LINGO2: variants seen among roughly 807,000 people sequenced by gnomAD.
LINGO2 encodes leucine rich repeat and Ig domain containing 2, also known as leucine-rich repeat and immunoglobulin-like domain-containing nogo receptor-interacting protein 2.
Under a neutral mutation model 30.6 loss-of-function variants are expected in LINGO2, and 14 were observed. That is an observed-to-expected ratio of 0.46 (90% confidence interval 0.30 to 0.72). LINGO2 has a LOEUF of 0.72. Ranked by LOEUF, LINGO2 falls within the 30% of genes least tolerant of loss-of-function variation. LINGO2 has a pLI of 0.07. For synonymous variants in LINGO2, 317 were observed against 288.5 expected (o/e 1.10, Z -1.00); for missense variants, 729 against 751.7 (o/e 0.97, Z 0.35).
the LINGO2 span, among the ~76,000 whole-genome samples, chr9:28,751,303 A>G: frequency 6.8e-6 from 1 of 147,650 alleles, no homozygotes; most frequent in African/African-American, 2.6e-5. Context: ...AAAAAAAAAA[A>G]AAAAAAGGGA....
At position 28,370,016 on chromosome 9, in the gene LINGO2, C is replaced by A. The variant is rs544650452; in HGVS notation, c.-246+2820G>T. Among the ~76,000 whole-genome samples, 5 of 152,196 alleles carry A rather than the reference C, an allele frequency of 3.3e-5. No homozygotes were observed. In the South Asian group the frequency reaches 8.3e-4, roughly 25 times the overall value. ...ACACTTTGAGTGTGAAAATATTAAA[C>A]AGCTCTCACATGGAAAGAAGAGCTA... On this transcript the variant is annotated intron_variant, in intron 3 of 5. Transcript: ENST00000379992.
At chr9:29,071,903 T>C in the LINGO2 span, among the ~76,000 whole-genome samples, 1 of 152,046 alleles carries the variant, frequency 6.6e-6, no homozygotes, top group African/African-American at 2.4e-5. Context: ...AAAGTTATGA[T>C]TCTGATGAAA....
the LINGO2 span, among the ~76,000 whole-genome samples, chr9:29,186,139 T>C: frequency 1.3e-5 from 2 of 152,250 alleles, no homozygotes; most frequent in African/African-American, 4.8e-5. Context: ...ATGAGCAAAC[T>C]GAACTATACA....
At chr9:28,503,961 G>A (rs1819997775) in intron 1 of LINGO2, among the ~76,000 whole-genome samples, 1 of 151,878 alleles carries the variant, frequency 6.6e-6, no homozygotes, top group African/African-American at 2.4e-5. Flanking sequence ...AGACAGTTTT[G>A]GGGGTTCTCC....
At position 28,016,359 on chromosome 9, in the gene LINGO2, C is replaced by T. The variant is rs528355465; in HGVS notation, c.-86-3954G>A. 4.6e-5 allele frequency among the ~76,000 whole-genome samples: 7 copies of T among 152,226 alleles called. No homozygotes were observed. In the South Asian group the frequency reaches 1.5e-3, roughly 32 times the overall value. The stretch of plus-strand genomic sequence containing the variant: ...GCTATCTGAGGTACAACATGAGCTA[C>T]AAACCCTTTTATCTTCTAGGATATT... On this transcript the variant is annotated intron_variant, in intron 4 of 5. Transcript: ENST00000379992.
chr9:29,150,332 T>C, the LINGO2 span, among the ~76,000 whole-genome samples: 1 of 152,156 alleles, frequency 6.6e-6, no homozygotes, highest in African/African-American at 2.4e-5. Context: ...TGAGAAAGAA[T>C]CAGTGCAAGA....
chr9:27,999,124 T>A (rs1375295890), intron 5 of LINGO2, among the ~76,000 whole-genome samples: 2 of 151,938 alleles, frequency 1.3e-5, no homozygotes, highest in African/African-American at 4.8e-5. Flanking sequence ...GAAAGGCACA[T>A]TGGGTCCTGG....
At chr9:28,734,076 A>C in the LINGO2 span, among the ~76,000 whole-genome samples, 135,023 of 151,928 alleles carry the variant, frequency 0.89, 60,341 homozygotes, top group Non-Finnish European at 0.94. Flanking sequence ...CTCTCTCTCT[A>C]TATATATATA....
At chr9:28,384,254 C>T (rs1348680015) in intron 2 of LINGO2, among the ~76,000 whole-genome samples, 1 of 149,450 alleles carries the variant, frequency 6.7e-6, no homozygotes, top group African/African-American at 2.4e-5. Context: ...CACATAATCC[C>T]CCTCAATCCA....
chr9:27,957,028 G>C (rs553406152), intron 5 of LINGO2, among the ~76,000 whole-genome samples: 1 of 152,184 alleles, frequency 6.6e-6, no homozygotes, highest in African/African-American at 2.4e-5. Flanking sequence ...TGAGGAGTTC[G>C]AAGCTGCAGT....
the LINGO2 span, chr9:28,863,713 G>C: frequency 1.9e-6 from 1 of 522,144 alleles, no homozygotes; most frequent in Non-Finnish European, 4.0e-6. Context: ...TTCACAGTTT[G>C]TGTAAAGCCT....
chr9:29,151,128 A>T, the LINGO2 span, among the ~76,000 whole-genome samples: 1 of 152,124 alleles, frequency 6.6e-6, no homozygotes, highest in Non-Finnish European at 1.5e-5. Context: ...ATGAAAAAAA[A>T]AAAATTTCAA....
the LINGO2 span, among the ~76,000 whole-genome samples, chr9:29,174,830 G>T: frequency 2.0e-5 from 3 of 152,154 alleles, no homozygotes; most frequent in Non-Finnish European, 4.4e-5. Flanking sequence ...TGGCTAAAAG[G>T]CAAAGAAAAA....
intron 4 of LINGO2, among the ~76,000 whole-genome samples, chr9:28,210,870 C>T (rs1820565673): frequency 1.3e-5 from 2 of 151,306 alleles, no homozygotes; most frequent in Non-Finnish European, 3.0e-5. Flanking sequence ...TATCACATAA[C>T]CAAGAGAGGA....
At chr9:28,270,575 C>T (rs980640580) in intron 4 of LINGO2, among the ~76,000 whole-genome samples, 1 of 152,078 alleles carries the variant, frequency 6.6e-6, no homozygotes, top group African/African-American at 2.4e-5. Context: ...CTACCAGCCA[C>T]CTCCCTTATG....
chr9:28,324,034 T>C (rs1184685320), intron 3 of LINGO2, among the ~76,000 whole-genome samples: 1 of 152,168 alleles, frequency 6.6e-6, no homozygotes. Flanking sequence ...AGCTCTTATA[T>C]AAACAAAAGC....
chr9:28,347,725 T>G (rs1261501041), intron 3 of LINGO2, among the ~76,000 whole-genome samples: 2 of 152,234 alleles, frequency 1.3e-5, no homozygotes, highest in Non-Finnish European at 2.9e-5. Flanking sequence ...TCTAGGGTAT[T>G]ACCCAGGCGT....
chr9:28,022,992 T>C (rs1823208570), intron 4 of LINGO2, among the ~76,000 whole-genome samples: 3 of 152,116 alleles, frequency 2.0e-5, no homozygotes. Context: ...TTTCATTCTA[T>C]TTTTTATTTC....
the LINGO2 span, among the ~76,000 whole-genome samples, chr9:28,970,501 C>T: frequency 1.3e-5 from 2 of 152,070 alleles, no homozygotes; most frequent in Non-Finnish European, 2.9e-5. Context: ...GAAAAAATCT[C>T]GAATCGCTAA....
Sources: gnomAD v4.1 joint callset for allele counts (sites outside exome capture counted in the v4.1 genomes callset) on GRCh38, gnomAD v4.1.1 for gene constraint, MANE v1.5 for transcripts, NCBI Gene and HGNC (gene_info 2026-07-23, HGNC 2026-07-21) for gene names.